Variants in IFT81 observed in about 807,000 individuals in gnomAD.
The protein encoded by IFT81 is intraflagellar transport 81.
A neutral mutation model predicts 102.6 loss-of-function variants in IFT81; 72 were observed. The ratio of observed to expected loss-of-function variants is 0.70; its 90% CI spans 0.58 to 0.85. IFT81 has a LOEUF of 0.85. IFT81 is among the 40% of genes least tolerant of loss of function. IFT81 has a pLI of 0.00. For missense variants in IFT81, 723 were observed against 787.3 expected (o/e 0.92, Z 0.98); for synonymous variants, 237 against 242.7 (o/e 0.98, Z 0.22).
chr12:110,178,654 C>T (rs999429752), intron 11 of IFT81, among the ~76,000 whole-genome samples: 9 of 136,626 alleles, frequency 6.6e-5, no homozygotes, highest in Non-Finnish European at 9.3e-5. Context: ...CTCACTCTGT[C>T]GCCCAGGCTG....
chr12:110,145,893 C>T (rs895236853), intron 9 of IFT81, among the ~76,000 whole-genome samples: 6 of 152,044 alleles, frequency 3.9e-5, no homozygotes, highest in African/African-American at 1.4e-4. Context: ...TCACTGCAAC[C>T]TCCACCTCCT....
intron 11 of IFT81, among the ~76,000 whole-genome samples, chr12:110,173,479 G>A (rs1896883781): frequency 6.6e-6 from 1 of 152,252 alleles, no homozygotes; most frequent in African/African-American, 2.4e-5. Flanking sequence ...ACAGCTCATT[G>A]AGAACAGGCC....
At chr12:110,152,269 C>G (rs990624177) in intron 10 of IFT81, among the ~76,000 whole-genome samples, 1 of 152,214 alleles carries the variant, frequency 6.6e-6, no homozygotes, top group Non-Finnish European at 1.5e-5. Context: ...ACATTCCCAT[C>G]CACAGTGTAC....
intron 7 of IFT81, among the ~76,000 whole-genome samples, chr12:110,136,181 T>C (rs1894499444): frequency 6.6e-6 from 1 of 152,240 alleles, no homozygotes; most frequent in Admixed American, 6.5e-5. Flanking sequence ...ACACTCCATG[T>C]TTTTAAACTT....
At chr12:110,212,271 C>T (rs1406059624) in intron 18 of IFT81, among the ~76,000 whole-genome samples, 3 of 149,886 alleles carry the variant, frequency 2.0e-5, no homozygotes, top group Non-Finnish European at 4.4e-5. Context: ...CTTGGCTGGG[C>T]GCAGTGGCTC....
At chr12:110,174,292 A>AT (rs1277587265) in intron 11 of IFT81, among the ~76,000 whole-genome samples, 4 of 148,080 alleles carry the variant, frequency 2.7e-5, no homozygotes, top group Non-Finnish European at 6.0e-5. Flanking sequence ...AAAAAAAAAA[A>AT]AAAAAAAAAA....
intron 10 of IFT81, among the ~76,000 whole-genome samples, chr12:110,148,600 G>A (rs1015401061): frequency 2.6e-5 from 4 of 151,700 alleles, no homozygotes; most frequent in African/African-American, 7.3e-5. Context: ...TCATCCTCCT[G>A]AGTAGCTGGG....
At chr12:110,196,182 G>T (rs1897992928) in intron 14 of IFT81, among the ~76,000 whole-genome samples, 1 of 152,136 alleles carries the variant, frequency 6.6e-6, no homozygotes, top group Admixed American at 6.5e-5. Flanking sequence ...CTTAAAAAAT[G>T]GTTAAAATGG....
intron 17 of IFT81, 112 bp downstream of exon 17, chr12:110,205,792 G>A (rs879018839): frequency 3.3e-6 from 2 of 615,336 alleles, no homozygotes; most frequent in Admixed American, 6.2e-5. Flanking sequence ...TAGACACTAA[G>A]ATATTATTTA....
rs1432117572 is a variant in IFT81 at position 110,139,981 on chromosome 12, A to G, written c.781+3121A>G. On this transcript the variant is annotated intron_variant, in intron 8 of 18. Transcript: ENST00000242591. Reference sequence around the variant, plus strand: ...TCCAGGAGCCTGAGGCAGGAAGATCACTTGAGCCCAAGAGTTTGAGGTTAA... The same window carrying G: ...TCCAGGAGCCTGAGGCAGGAAGATCGCTTGAGCCCAAGAGTTTGAGGTTAA... Among the ~76,000 whole-genome samples the G allele has an allele frequency of 2.0e-5, 3 of 151,876 alleles. No individual in the cohort carries two copies. The East Asian group carries it at 5.8e-4, about 29-fold the overall frequency.
chr12:110,209,156 A>T lies in IFT81; in HGVS notation c.1803-15A>T. ...TGAAGTAAATTGAAAGTAAATCATTATGTTGACTCCCTAGGGAACAGTATA... is the reference window on the plus strand; with the variant it reads ...TGAAGTAAATTGAAAGTAAATCATTTTGTTGACTCCCTAGGGAACAGTATA... On this transcript the variant is annotated splice_polypyrimidine_tract_variant and intron_variant, in intron 17 of 18. Coordinates refer to ENST00000242591, the MANE Select transcript of IFT81 (RefSeq NM_014055.4). The T allele has an allele frequency of 6.9e-7, 1 of 1,448,670 alleles. No homozygotes were observed. Among genetic ancestry groups the T allele is most frequent in the Non-Finnish European group, 9.6e-7 (1 of 1,042,666 alleles). The allele number at this position is 1,448,670 out of a possible 1,614,324, so 89.7% of individuals were successfully genotyped here. A position where few individuals can be genotyped will look rare whatever the true frequency, so the allele number is the denominator to read the frequency against.
intron 12 of IFT81, among the ~76,000 whole-genome samples, chr12:110,184,349 C>CA (rs111393612): frequency 8.6e-5 from 13 of 151,652 alleles, no homozygotes; most frequent in Admixed American, 1.3e-4. Flanking sequence ...GACTCCATCT[C>CA]AAAAAAAATA....
At chr12:110,160,879 A>G (rs910255909) in intron 10 of IFT81, among the ~76,000 whole-genome samples, 3 of 152,046 alleles carry the variant, frequency 2.0e-5, no homozygotes, top group Admixed American at 6.6e-5. Flanking sequence ...TTTCCTTTCA[A>G]ATTTTTATGC....
chr12:110,205,763 T>C lies in IFT81; in HGVS notation c.1802+83T>C, dbSNP rs531658149. On this transcript the variant is annotated intron_variant, in intron 17 of 18. Transcript: ENST00000242591. ...TATAAATAAGATAGAATTATACAAATTTAGCATATTTAAGTAAGTAGACAC... is the reference window on the plus strand; with the variant it reads ...TATAAATAAGATAGAATTATACAAACTTAGCATATTTAAGTAAGTAGACAC... The C allele has an allele frequency of 1.3e-5, 11 of 840,898 alleles. No homozygotes were observed. In the African/African-American group the frequency reaches 1.8e-4, roughly 13 times the overall value. 52.1% of individuals were successfully genotyped at this position (840,898 alleles called of 1,614,324 possible).
chr12:110,194,516 C>G (rs1365167465), intron 14 of IFT81, among the ~76,000 whole-genome samples: 1 of 151,940 alleles, frequency 6.6e-6, no homozygotes, highest in Non-Finnish European at 1.5e-5. Flanking sequence ...TCAAGCAGTC[C>G]TCCCACCTCA....
intron 11 of IFT81, among the ~76,000 whole-genome samples, chr12:110,172,358 TGGTCTCCCTCTCCCCAC>T (rs373600096): frequency 0.095 from 14,375 of 151,390 alleles, 788 homozygotes; most frequent in African/African-American, 0.14. Flanking sequence ...CCTCTCCCCA[TGGTCTCCCTCTCCCCAC>T]GGTCTCCCTC....
intron 9 of IFT81, among the ~76,000 whole-genome samples, chr12:110,144,620 C>CCT (rs1056626119): frequency 6.6e-6 from 1 of 151,634 alleles, no homozygotes; most frequent in Non-Finnish European, 1.5e-5. Context: ...AAGCCATTCT[C>CCT]CTGCCTCAGC....
intron 1 of IFT81, among the ~76,000 whole-genome samples, chr12:110,125,948 A>C (rs1893809328): frequency 6.6e-6 from 1 of 152,186 alleles, no homozygotes; most frequent in African/African-American, 2.4e-5. Context: ...CGGAATTTAC[A>C]GTTTAGCAGG....
At chr12:110,137,137 C>G (rs540529264) in intron 8 of IFT81, among the ~76,000 whole-genome samples, 1 of 152,162 alleles carries the variant, frequency 6.6e-6, no homozygotes, top group Non-Finnish European at 1.5e-5. Context: ...GTCAGGAGTT[C>G]GAGACCAGCC....
Sources: allele counts gnomAD v4.1 joint callset (sites outside exome capture counted in the v4.1 genomes callset), GRCh38; gene constraint gnomAD v4.1.1; transcripts MANE v1.5; gene names NCBI Gene and HGNC (gene_info 2026-07-23, HGNC 2026-07-21).